Variants in GRID1 observed in about 807,000 individuals in gnomAD.
GRID1 encodes glutamate ionotropic receptor delta type subunit 1, also known as glutamate receptor ionotropic, delta-1.
A neutral mutation model predicts 98.0 loss-of-function variants in GRID1; 28 were observed. The ratio of observed to expected loss-of-function variants is 0.29; its 90% confidence interval spans 0.21 to 0.39. GRID1 has a LOEUF of 0.39. GRID1 is among the 10% of genes least tolerant of loss of function. The pLI is 1.00. For synonymous variants in GRID1, 553 were observed against 538.5 expected (o/e 1.03, Z -0.37); for missense variants, 1,111 against 1,340.5 (o/e 0.83, Z 2.67).
intron 4 of GRID1, among the ~76,000 whole-genome samples, chr10:85,933,429 G>A (rs951163291): frequency 7.2e-5 from 11 of 152,192 alleles, no homozygotes; most frequent in Admixed American, 7.2e-4. Context: ...TATCCAACAG[G>A]TAGTTTTTCA....
chr10:85,653,268 C>A (rs1489196523), intron 12 of GRID1, among the ~76,000 whole-genome samples: 1 of 152,202 alleles, frequency 6.6e-6, no homozygotes, highest in Non-Finnish European at 1.5e-5. Context: ...ATTAATAAAG[C>A]AGAGCAAGGG....
chr10:86,353,584 G>A (rs1322493743), intron 2 of GRID1, among the ~76,000 whole-genome samples: 2 of 152,156 alleles, frequency 1.3e-5, no homozygotes, highest in Non-Finnish European at 2.9e-5. Context: ...TTTATCAGGT[G>A]CACAGTAGAT....
At chr10:85,960,042 TG>T (rs1382627955) in intron 4 of GRID1, among the ~76,000 whole-genome samples, 1 of 152,128 alleles carries the variant, frequency 6.6e-6, no homozygotes, top group African/African-American at 2.4e-5. Flanking sequence ...CCACCACTCC[TG>T]GCTAATTTTT....
At chr10:86,276,599 T>G (rs1488357083) in intron 2 of GRID1, among the ~76,000 whole-genome samples, 2 of 151,162 alleles carry the variant, frequency 1.3e-5, no homozygotes, top group Non-Finnish European at 2.9e-5. Flanking sequence ...GCCTCTTGGG[T>G]TCAAGCGATT....
intron 4 of GRID1, among the ~76,000 whole-genome samples, chr10:86,048,991 T>G (rs1174396679): frequency 6.6e-6 from 1 of 152,244 alleles, no homozygotes; most frequent in African/African-American, 2.4e-5. Context: ...CATCAAGCCT[T>G]GTGCCAAGTT....
intron 4 of GRID1, among the ~76,000 whole-genome samples, chr10:86,005,625 G>A (rs1169050332): frequency 6.6e-6 from 1 of 152,222 alleles, no homozygotes; most frequent in Non-Finnish European, 1.5e-5. Context: ...TCAAATTTTG[G>A]TGGGGGTCAT....
chr10:86,129,183 T>C (rs2131965134), intron 4 of GRID1, among the ~76,000 whole-genome samples: 1 of 152,318 alleles, frequency 6.6e-6, no homozygotes, highest in African/African-American at 2.4e-5. Flanking sequence ...TCTGCAGATG[T>C]GTTGGCCGAG....
At chr10:85,923,032 A>T (rs1841726512) in intron 4 of GRID1, among the ~76,000 whole-genome samples, 1 of 152,074 alleles carries the variant, frequency 6.6e-6, no homozygotes, top group Admixed American at 6.5e-5. Flanking sequence ...AAGACTCCTA[A>T]TTCTGGCTCC....
At chr10:85,787,638 TGA>T (rs1043495896) in intron 8 of GRID1, among the ~76,000 whole-genome samples, 9 of 152,172 alleles carry the variant, frequency 5.9e-5, no homozygotes, top group African/African-American at 2.2e-4. Flanking sequence ...CCACTGCTTC[TGA>T]GACACACAGG....
intron 3 of GRID1, among the ~76,000 whole-genome samples, chr10:86,142,742 T>C (rs1454767775): frequency 2.6e-5 from 4 of 152,230 alleles, no homozygotes; most frequent in African/African-American, 9.6e-5. Flanking sequence ...ATGAGTATGG[T>C]AGGGACACCC....
At chr10:86,331,486 G>A (rs1429666810) in intron 2 of GRID1, among the ~76,000 whole-genome samples, 5 of 152,196 alleles carry the variant, frequency 3.3e-5, no homozygotes, top group African/African-American at 4.8e-5. Context: ...TCCACAAGGT[G>A]TACAAAGTGC....
chr10:86,208,704 C>A (rs1401997826), intron 2 of GRID1, among the ~76,000 whole-genome samples: 1 of 152,172 alleles, frequency 6.6e-6, no homozygotes, highest in Non-Finnish European at 1.5e-5. Context: ...CCAACTTGAC[C>A]CCAGGCTCCA....
intron 3 of GRID1, among the ~76,000 whole-genome samples, chr10:86,181,288 C>T (rs1312333822): frequency 6.6e-6 from 1 of 152,206 alleles, no homozygotes; most frequent in Non-Finnish European, 1.5e-5. Flanking sequence ...GCATGGTCTC[C>T]CATCCAGCTG....
At position 86,206,677 on chromosome 10, in the gene GRID1, G is replaced by A. The variant is rs374136377; in HGVS notation, c.236-29C>T. ...GAAAGAGAGAAGAGAGAGAGGAAGG[G>A]GTCAGCATCAGGGCGATGCTGCACC... On this transcript the variant is annotated intron_variant, in intron 2 of 15. Coordinates refer to ENST00000327946, the MANE Select transcript of GRID1 (RefSeq NM_017551.3). This position sits in a 1 kb window ranked among gnomAD's most constrained non-coding sequence, Gnocchi z 4.1. 24 of 1,591,718 alleles carry A rather than the reference G, an allele frequency of 1.5e-5. No individual in the cohort carries two copies. In the African/African-American group the frequency reaches 2.3e-4, roughly 15 times the overall value.
Position 86,092,306 on chromosome 10 carries a change from T to C in GRID1, c.726+46513A>G, listed in dbSNP as rs563332686. On this transcript the variant is annotated intron_variant, in intron 4 of 15. Coordinates refer to ENST00000327946, the MANE Select transcript of GRID1 (RefSeq NM_017551.3). ...TAAAGAAAAAAAATTCAGGAAACTT[T>C]GGACACACTTCTAGAAATGCAAAAT... Among the ~76,000 whole-genome samples the C allele has an allele frequency of 1.3e-3, 195 of 152,288 alleles. 1 individual carries two copies. Among genetic ancestry groups the C allele is most frequent in the South Asian group, 8.3e-4 (4 of 4,826 alleles).
intron 4 of GRID1, among the ~76,000 whole-genome samples, chr10:85,919,209 C>A (rs1841665291): frequency 6.6e-6 from 1 of 152,220 alleles, no homozygotes; most frequent in South Asian, 2.1e-4. Context: ...CCCCAGGGAG[C>A]AGGTGGGAGC....
intron 2 of GRID1, among the ~76,000 whole-genome samples, chr10:86,294,384 T>C (rs1296026679): frequency 1.3e-5 from 2 of 152,204 alleles, no homozygotes; most frequent in South Asian, 4.1e-4. Flanking sequence ...CACCAGCATC[T>C]TTCTGGTGCC....
At chr10:85,823,480 G>C (rs911679042) in intron 8 of GRID1, among the ~76,000 whole-genome samples, 13 of 151,256 alleles carry the variant, frequency 8.6e-5, no homozygotes, top group African/African-American at 3.2e-4. Context: ...AACCAAAGAG[G>C]GGGTAAAACA....
chr10:85,958,952 C>T (rs559054207), intron 4 of GRID1, among the ~76,000 whole-genome samples: 48 of 130,422 alleles, frequency 3.7e-4, no homozygotes, highest in Middle Eastern at 4.2e-3. Context: ...AGTGAAACTC[C>T]GTCTCAAAAA....
Sources: allele counts gnomAD v4.1 joint callset (sites outside exome capture counted in the v4.1 genomes callset), GRCh38; gene constraint gnomAD v4.1.1; non-coding constraint Gnocchi (gnomAD v3.1); transcripts MANE v1.5; gene names NCBI Gene and HGNC (gene_info 2026-07-23, HGNC 2026-07-21).